The following SLC9A9 variants were observed in gnomAD, a reference collection of about 807,000 sequenced individuals.
SLC9A9 encodes the protein sodium/hydrogen exchanger 9.
A neutral mutation model predicts 77.8 loss-of-function variants in SLC9A9; 62 were observed. The ratio of observed to expected loss-of-function variants is 0.80; its 90% CI spans 0.65 to 0.98. SLC9A9 has a LOEUF of 0.98. SLC9A9 is among the 50% of genes least tolerant of loss of function. The probability of loss-of-function intolerance (pLI) is 0.00; values close to 1 mark genes in which losing one functional copy is unlikely to be tolerated. For missense variants in SLC9A9, 775 were observed against 774.9 expected, an observed-to-expected ratio of 1.00 and a Z score of 0.00; for synonymous variants, 320 against 283.5, an observed-to-expected ratio of 1.13 and a Z score of -1.29.
intron 4 of SLC9A9, among the ~76,000 whole-genome samples, chr3:143,750,236 T>C (rs538194438): frequency 6.6e-6 from 1 of 152,346 alleles, no homozygotes; most frequent in East Asian, 1.9e-4. Context: ...TAAAATCATT[T>C]ATTTTGAACT....
intron 6 of SLC9A9, among the ~76,000 whole-genome samples, chr3:143,641,993 A>G (rs2038631514): frequency 1.3e-5 from 2 of 152,162 alleles, no homozygotes. Flanking sequence ...TTCTCTGCTC[A>G]ATTCTCCTTG....
At chr3:143,434,908 C>T (rs1055723843) in intron 12 of SLC9A9, among the ~76,000 whole-genome samples, 14 of 152,096 alleles carry the variant, frequency 9.2e-5, no homozygotes, top group African/African-American at 2.9e-4. Context: ...GTGGTCCACC[C>T]CACGAGCCCC....
intron 12 of SLC9A9, among the ~76,000 whole-genome samples, chr3:143,456,344 T>A (rs1029809241): frequency 2.6e-5 from 4 of 151,930 alleles, no homozygotes; most frequent in Admixed American, 2.6e-4. Context: ...ATAAAAAAGA[T>A]TGGACTATAG....
intron 6 of SLC9A9, among the ~76,000 whole-genome samples, chr3:143,639,964 C>G (rs1337309306): frequency 6.6e-6 from 1 of 151,824 alleles, no homozygotes; most frequent in African/African-American, 2.4e-5. Flanking sequence ...AATGAAATGA[C>G]CATACCAGCA....
chr3:143,522,983 G>T (rs1226557180), intron 9 of SLC9A9, among the ~76,000 whole-genome samples: 1 of 152,034 alleles, frequency 6.6e-6, no homozygotes, highest in Non-Finnish European at 1.5e-5. Flanking sequence ...TTCTCATTAG[G>T]CCTTCGTGAT....
intron 14 of SLC9A9, among the ~76,000 whole-genome samples, chr3:143,308,213 G>A (rs1052765725): frequency 1.1e-4 from 17 of 152,164 alleles, no homozygotes; most frequent in Non-Finnish European, 2.1e-4. Flanking sequence ...TATATAAAAT[G>A]GAGATGAGAA....
rs113555745 is a variant in SLC9A9 at position 143,313,946 on chromosome 3, C to G, written c.1605-44966G>C. The stretch of plus-strand genomic sequence containing the variant: ...TCAGGCCAGGTGCAGGCATGGCTGC[C>G]CATGCCCCCCATAGCTGCCTCTCTG... On this transcript the variant is annotated intron_variant, in intron 14 of 15. Transcript: ENST00000316549. 3.3e-5 allele frequency among the ~76,000 whole-genome samples: 5 copies of G among 152,288 alleles called. No homozygotes were observed. In the Middle Eastern group the frequency reaches 0.01, roughly 311 times the overall value.
rs1559846058 is a variant in SLC9A9 at position 143,268,952 on chromosome 3, C to T, written c.1633G>A (p.Gly545Ser). 1 of 1,613,510 alleles carries T rather than the reference C, an allele frequency of 6.2e-7. No individual in the cohort carries two copies. The highest frequency in any genetic ancestry group is 1.1e-5 in the South Asian group (1 of 91,068). ...KYLKPILTHS[G>S]PPLTTTLPEW... ...GGTAATGTTGTAGTCAGCGGAGGAC[C>T]AGAGTGGGTTAAAATTGGTTTCAGA... Residue 545 changes from glycine (G) to serine (S), a missense_variant, in exon 15 of 16, where the codon GGT becomes AGT. Physicochemically the swap from Gly to Ser is moderately conservative, Grantham distance 56. Coordinates refer to ENST00000316549, the MANE Select transcript of SLC9A9 (RefSeq NM_173653.4).
chr3:143,340,688 T>G (rs891883142), intron 14 of SLC9A9, among the ~76,000 whole-genome samples: 1 of 152,172 alleles, frequency 6.6e-6, no homozygotes, highest in African/African-American at 2.4e-5. Flanking sequence ...ATATTGAGTT[T>G]TTGCCCTTAC....
At chr3:143,778,037 C>CAAAAAACAAAAAAAAAAAAA in intron 4 of SLC9A9, among the ~76,000 whole-genome samples, 1 of 75,570 alleles carries the variant, frequency 1.3e-5, no homozygotes, top group Non-Finnish European at 2.4e-5. Context: ...TTATAAAATG[C>CAAAAAACAAAAAAAAAAAAA]AAAAAAAAAA....
intron 2 of SLC9A9, among the ~76,000 whole-genome samples, chr3:143,818,100 AT>A (rs2009069100): frequency 6.6e-6 from 1 of 152,200 alleles, no homozygotes. Flanking sequence ...TTGTGGGATT[AT>A]TTTAATTATT....
At chr3:143,806,584 G>T (rs2008719372) in intron 2 of SLC9A9, among the ~76,000 whole-genome samples, 1 of 152,008 alleles carries the variant, frequency 6.6e-6, no homozygotes, top group African/African-American at 2.4e-5. Context: ...TCACAGGTAA[G>T]GATTTTTTAA....
At chr3:143,787,540 G>T (rs1438552184) in intron 4 of SLC9A9, among the ~76,000 whole-genome samples, 1 of 152,096 alleles carries the variant, frequency 6.6e-6, no homozygotes, top group East Asian at 1.9e-4. Flanking sequence ...ATTTTGAAAA[G>T]ATACCATATT....
intron 6 of SLC9A9, among the ~76,000 whole-genome samples, chr3:143,613,607 T>C (rs1441210549): frequency 6.6e-6 from 1 of 152,224 alleles, no homozygotes; most frequent in African/African-American, 2.4e-5. Context: ...TGTTTTTTTA[T>C]AATTGGACAG....
chr3:143,265,870 A>G lies in SLC9A9; in HGVS notation c.*832T>C, dbSNP rs893798879. 8 of 600,720 alleles carry G rather than the reference A, an allele frequency of 1.3e-5. No homozygotes were observed. In the East Asian group the frequency reaches 1.9e-4, roughly 15 times the overall value. The allele number at this position is 600,720 out of a possible 1,614,324, so 37.2% of individuals were successfully genotyped here. ...AGAGCAACACAGGCTGCAGAATCCT[A>G]CCCTCCAGCATATCGCGGGGAGGGG... On this transcript the variant is annotated 3_prime_UTR_variant, in exon 16 of 16. Transcript: ENST00000316549.
chr3:143,417,192 G>A (rs528912045), intron 12 of SLC9A9, among the ~76,000 whole-genome samples: 4 of 152,016 alleles, frequency 2.6e-5, no homozygotes, highest in Non-Finnish European at 5.9e-5. Context: ...GAGAATGGGC[G>A]AGTCTTCTAC....
intron 9 of SLC9A9, among the ~76,000 whole-genome samples, chr3:143,506,471 A>G (rs1390791066): frequency 3.9e-5 from 6 of 152,210 alleles, no homozygotes; most frequent in African/African-American, 1.4e-4. Flanking sequence ...AATGAGTCAC[A>G]TAGGGTATCA....
At chr3:143,568,008 C>T (rs1192995229) in intron 8 of SLC9A9, among the ~76,000 whole-genome samples, 1 of 152,122 alleles carries the variant, frequency 6.6e-6, no homozygotes, top group Non-Finnish European at 1.5e-5. Context: ...TGGACTATTC[C>T]TTCCTTTGTA....
chr3:143,370,410 G>C (rs1399801839), intron 13 of SLC9A9, among the ~76,000 whole-genome samples: 1 of 152,068 alleles, frequency 6.6e-6, no homozygotes, highest in Admixed American at 6.6e-5. Flanking sequence ...TAAATACAAA[G>C]ACAAAAAATG....
Sources: allele counts gnomAD v4.1 joint callset (sites outside exome capture counted in the v4.1 genomes callset), GRCh38; gene constraint gnomAD v4.1.1; transcripts MANE v1.5; gene names NCBI Gene and HGNC (gene_info 2026-07-23, HGNC 2026-07-21).